Variants in JAKMIP2 observed in about 807,000 individuals in gnomAD.
JAKMIP2 encodes janus kinase and microtubule interacting protein 2.
In JAKMIP2, 25 loss-of-function variants were observed where a neutral mutation model predicts 115.0. The observed-to-expected ratio is 0.22, with a 90% CI of 0.16 to 0.30. The LOEUF (loss-of-function observed/expected upper bound fraction) is 0.30, where lower values mean the gene tolerates loss of function less well. JAKMIP2 is among the 10% of genes least tolerant of loss of function. The probability of loss-of-function intolerance (pLI) is 1.00; values close to 1 mark genes in which losing one functional copy is unlikely to be tolerated. For missense variants in JAKMIP2, 642 were observed against 957.6 expected (o/e 0.67, Z 4.35); for synonymous variants, 334 against 343.6 (o/e 0.97, Z 0.31).
Position 147,588,959 on chromosome 5 carries a change from T to C in JAKMIP2, c.*2748A>G, listed in dbSNP as rs1409092805. 1 of 152,170 alleles carries C rather than the reference T, an allele frequency of 6.6e-6. No homozygotes were observed. Among genetic ancestry groups the C allele is most frequent in the Non-Finnish European group, 1.5e-5 (1 of 68,026 alleles). The allele number at this position is 152,170 out of a possible 1,614,324, so 9.4% of individuals were successfully genotyped here. A position where few individuals can be genotyped will look rare whatever the true frequency, so the allele number is the denominator to read the frequency against. ...CAGACGGAATATAGATTTACTCATATGGGCCCTGCAACAGAAAGTGAAGAA... is the reference window on the plus strand; with the variant it reads ...CAGACGGAATATAGATTTACTCATACGGGCCCTGCAACAGAAAGTGAAGAA... On this transcript the variant is annotated 3_prime_UTR_variant, in exon 22 of 22. Coordinates refer to ENST00000616793, the MANE Select transcript of JAKMIP2 (RefSeq NM_001270941.2).
intron 1 of JAKMIP2, among the ~76,000 whole-genome samples, chr5:147,693,401 T>C (rs1195640970): frequency 1.3e-5 from 2 of 152,220 alleles, no homozygotes; most frequent in Non-Finnish European, 2.9e-5. Flanking sequence ...ATCAGACATG[T>C]GACATTTGAT....
chr5:147,711,216 C>T (rs918523484), intron 1 of JAKMIP2, among the ~76,000 whole-genome samples: 1 of 152,092 alleles, frequency 6.6e-6, no homozygotes, highest in Non-Finnish European at 1.5e-5. Context: ...TTCATCTAAC[C>T]CAGAGCCTTA....
In JAKMIP2 at chr5:147,654,258, A is replaced by G. The variant is rs191556143; in HGVS notation, c.628-3711T>C. On this transcript the variant is annotated intron_variant, in intron 3 of 21. Transcript: ENST00000616793. The stretch of plus-strand genomic sequence containing the variant: ...TTTTTTAATTCTGTGAAGAATGTCA[A>G]TGGTAGTTTGATGGGAATAGTGTTG... 2.1e-3 allele frequency among the ~76,000 whole-genome samples: 320 copies of G among 151,924 alleles called. 2 individuals are homozygous for G. The highest frequency in any genetic ancestry group is 7.2e-3 in the African/African-American group (300 of 41,394).
intron 2 of JAKMIP2, among the ~76,000 whole-genome samples, chr5:147,666,314 T>C (rs1759296522): frequency 6.6e-6 from 1 of 152,082 alleles, no homozygotes; most frequent in South Asian, 2.1e-4. Context: ...AAAATGAATA[T>C]ACAAAATTAT....
rs1757121313 is a variant in JAKMIP2 at position 147,626,879 on chromosome 5, C to A, written c.1995+1872G>T. ...CTTGCAGTAAAGAATTGCAGCCCTTCATGATTCCAGCTGAATAAGGCTCTC... is the reference window on the plus strand; with the variant it reads ...CTTGCAGTAAAGAATTGCAGCCCTTAATGATTCCAGCTGAATAAGGCTCTC... On this transcript the variant is annotated intron_variant, in intron 16 of 21. Coordinates refer to ENST00000616793, the MANE Select transcript of JAKMIP2 (RefSeq NM_001270941.2). 2.0e-5 allele frequency among the ~76,000 whole-genome samples: 3 copies of A among 152,176 alleles called. No individual in the cohort carries two copies. The South Asian group carries it at 6.2e-4, about 32-fold the overall frequency.
chr5:147,631,862 T>C (rs1432823), intron 13 of JAKMIP2, among the ~76,000 whole-genome samples: 6,963 of 152,234 alleles, frequency 0.046, 215 homozygotes, highest in Middle Eastern at 0.12. Context: ...CTTTTGCATA[T>C]TCAATCTATT....
At chr5:147,772,633 T>G (rs1198648018) in intron 1 of JAKMIP2, among the ~76,000 whole-genome samples, 5 of 151,926 alleles carry the variant, frequency 3.3e-5, no homozygotes, top group Non-Finnish European at 7.4e-5. Context: ...TTTTAAAAAA[T>G]ATTGTGTTAG....
At chr5:147,671,209 G>T (rs1031704192) in intron 2 of JAKMIP2, among the ~76,000 whole-genome samples, 2 of 152,232 alleles carry the variant, frequency 1.3e-5, no homozygotes, top group African/African-American at 4.8e-5. Flanking sequence ...CTAATATCCT[G>T]TAGTGGTAGA....
intron 1 of JAKMIP2, among the ~76,000 whole-genome samples, chr5:147,698,463 G>A (rs1752193788): frequency 6.6e-6 from 1 of 152,152 alleles, no homozygotes; most frequent in Non-Finnish European, 1.5e-5. Flanking sequence ...AGGGATGGGG[G>A]TAGAATGATA....
At position 147,743,999 on chromosome 5, in the gene JAKMIP2, T is replaced by C. The variant is rs1226733141; in HGVS notation, c.-149+38457A>G. Among the ~76,000 whole-genome samples, 114 of 112,064 alleles carry C rather than the reference T, an allele frequency of 1.0e-3. 1 individual carries two copies. The highest frequency in any genetic ancestry group is 1.2e-3 in the Non-Finnish European group (67 of 53,972). 73.5% of individuals were successfully genotyped at this position (112,064 alleles called of 152,430 possible). On this transcript the variant is annotated intron_variant, in intron 1 of 21. Coordinates refer to ENST00000616793, the MANE Select transcript of JAKMIP2 (RefSeq NM_001270941.2). ...CCTCCCTTCCTTCCTTCCTAACTTC[T>C]TTCCTTCCTTCCTTCCTTCCTTCCT...
Position 147,640,689 on chromosome 5 carries a change from A to C in JAKMIP2, c.1401+15T>G. The C allele has an allele frequency of 6.2e-7, 1 of 1,613,030 alleles. No individual in the cohort carries two copies. On this transcript the variant is annotated intron_variant, in intron 9 of 21. Transcript: ENST00000616793. ...TGACAATATCACCCTAGGCTAGAGA[A>C]GTAGAAAAGCTTACTTCATCCAAGT...
chr5:147,596,837 T>C (rs1233591271), intron 21 of JAKMIP2, among the ~76,000 whole-genome samples: 1 of 152,164 alleles, frequency 6.6e-6, no homozygotes, highest in Admixed American at 6.6e-5. Flanking sequence ...TCCTTATCCA[T>C]GTAAAAACTA....
chr5:147,698,168 T>G (rs1752180941), intron 1 of JAKMIP2, among the ~76,000 whole-genome samples: 1 of 152,208 alleles, frequency 6.6e-6, no homozygotes, highest in Admixed American at 6.5e-5. Flanking sequence ...CTTTAGGGTT[T>G]AATGACTGCT....
intron 1 of JAKMIP2, 140 bp downstream of exon 1, chr5:147,782,316 C>T: frequency 1.2e-6 from 1 of 820,524 alleles, no homozygotes; most frequent in Non-Finnish European, 2.0e-6. Flanking sequence ...CCTCTCCCTC[C>T]ATCCTCATCT....
chr5:147,777,285 A>G (rs1755594095), intron 1 of JAKMIP2, among the ~76,000 whole-genome samples: 1 of 152,204 alleles, frequency 6.6e-6, no homozygotes, highest in Non-Finnish European at 1.5e-5. Flanking sequence ...AGTATTTAAA[A>G]GTAAAGTGTG....
chr5:147,648,539 C>CTTATTA (rs1758243790), intron 4 of JAKMIP2, 65 bp from the exon 5 acceptor site: 1 of 873,908 alleles, frequency 1.1e-6, no homozygotes, highest in African/African-American at 1.7e-5. Context: ...GGGAATATCA[C>CTTATTA]TTATTATTCA....
At chr5:147,638,476 C>G (rs549566468) in intron 10 of JAKMIP2, among the ~76,000 whole-genome samples, 1 of 152,274 alleles carries the variant, frequency 6.6e-6, no homozygotes, top group Admixed American at 6.5e-5. Flanking sequence ...TATATGACAG[C>G]CTACAGGCAC....
intron 11 of JAKMIP2, 35 bp downstream of exon 11, chr5:147,636,930 T>G (rs760519012): frequency 5.7e-6 from 5 of 872,410 alleles, no homozygotes; most frequent in African/African-American, 1.6e-5. Flanking sequence ...TTGAATTGTC[T>G]GCATCTGCAG....
chr5:147,624,924 T>C (rs1383575450), intron 16 of JAKMIP2, among the ~76,000 whole-genome samples: 1 of 152,154 alleles, frequency 6.6e-6, no homozygotes, highest in Non-Finnish European at 1.5e-5. Context: ...GCAGTATCCA[T>C]TGTGTATTGG....
Sources: gnomAD v4.1 joint callset for allele counts (sites outside exome capture counted in the v4.1 genomes callset) on GRCh38, gnomAD v4.1.1 for gene constraint, MANE v1.5 for transcripts, NCBI Gene and HGNC (gene_info 2026-07-23, HGNC 2026-07-21) for gene names.